LRRC74B: variants seen among roughly 807,000 people sequenced by gnomAD.
The protein encoded by LRRC74B is leucine rich repeat containing 74B.
In LRRC74B, 30 loss-of-function variants were observed where a neutral mutation model predicts 16.6. The observed-to-expected ratio is 1.80, with a 90% CI of 1.35 to 2.45. The LOEUF (loss-of-function observed/expected upper bound fraction) is 2.45, where lower values mean the gene tolerates loss of function less well. Ranked by LOEUF, LRRC74B falls within the 30% of genes most tolerant of loss-of-function variation. The pLI is 0.00. For missense variants in LRRC74B, 326 were observed against 202.4 expected (o/e 1.61, Z -3.71); for synonymous variants, 134 against 86.0 (o/e 1.56, Z -3.09).
intron 8 of LRRC74B, 40 bp from the exon 9 acceptor site, chr22:21,060,333 A>G (rs1448194585): frequency 1.6e-6 from 1 of 641,564 alleles, no homozygotes; most frequent in East Asian, 2.7e-5. Flanking sequence ...AAGTTCTCAG[A>G]TAGTAACAAA....
In LRRC74B at chr22:21,052,107, C is replaced by A. The variant is rs889093312; in HGVS notation, c.623-142C>A. 1.4e-5 allele frequency: 9 copies of A among 638,402 alleles called. No homozygotes were observed. In the African/African-American group the frequency reaches 1.6e-4, roughly 12 times the overall value. 39.5% of individuals were successfully genotyped at this position (638,402 alleles called of 1,614,324 possible). On this transcript the variant is annotated intron_variant, in intron 4 of 8. Transcript: ENST00000442047. Reference sequence around the variant, plus strand: ...TATCTCCCCCATGAAATGTGAGTTCCTTAAGGGCACCGCAGGCCCACATTA... The same window carrying A: ...TATCTCCCCCATGAAATGTGAGTTCATTAAGGGCACCGCAGGCCCACATTA...
At chr22:21,046,340 G>A (rs369004897) in intron 1 of LRRC74B, among the ~76,000 whole-genome samples, 4 of 152,260 alleles carry the variant, frequency 2.6e-5, no homozygotes, top group East Asian at 3.8e-4. Context: ...ACCCTGAAAT[G>A]AAATCAGAGC....
chr22:21,048,142 G>A (rs1250952311), intron 3 of LRRC74B, 126 bp downstream of exon 3: 21 of 674,642 alleles, frequency 3.1e-5, no homozygotes, highest in Non-Finnish European at 5.4e-5. Context: ...TAGAAGAGGG[G>A]CCTCATCACA....
chr22:21,063,418 G>A (rs1313456327), downstream of LRRC74B: 1 of 151,982 alleles, frequency 6.6e-6, no homozygotes, highest in Non-Finnish European at 1.5e-5. Flanking sequence ...GGGACTTCAG[G>A]CAGGGCATGA....
In LRRC74B at chr22:21,053,469, A is replaced by G. The variant is rs145112816; in HGVS notation, c.842A>G (p.Asn281Ser). 5.6e-6 allele frequency: 4 copies of G among 716,908 alleles called. No homozygotes were observed. The African/African-American group carries it at 7.0e-5, about 12-fold the overall frequency. 44.4% of individuals were successfully genotyped at this position (716,908 alleles called of 1,614,324 possible). Reference sequence around the variant, plus strand: ...GCCAACAACGTGTTGGAGGAACTCAACATGAGGTGAGGATCCCCGGGGGGA... The same window carrying G: ...GCCAACAACGTGTTGGAGGAACTCAGCATGAGGTGAGGATCCCCGGGGGGA... The change falls in exon 6 of 9, where the codon AAC becomes AGC. Residue 281 changes from asparagine (N) to serine (S), a missense_variant. Physicochemically the swap from Asn to Ser is conservative, Grantham distance 46. Coordinates refer to ENST00000442047, the Ensembl canonical transcript of LRRC74B.
intron 2 of LRRC74B, 43 bp from the exon 3 acceptor site, chr22:21,047,841 T>C (rs1214998239): frequency 1.1e-5 from 8 of 712,446 alleles, no homozygotes; most frequent in Non-Finnish European, 1.8e-5. Context: ...CCCTGGAGCA[T>C]GAGCCAGGAT....
chr22:21,049,047 C>T (rs1569195228), exon 4 of LRRC74B: 5 of 715,946 alleles, frequency 7.0e-6, no homozygotes, highest in Non-Finnish European at 1.3e-5. Context: ...ATGCAGCTGT[C>T]AGGGAATGGC....
chr22:21,056,949 T>TGAGGCAG, intron 7 of LRRC74B, 156 bp from the exon 8 acceptor site: 1 of 597,204 alleles, frequency 1.7e-6, no homozygotes, highest in South Asian at 2.1e-5. Context: ...CACCAGAGCA[T>TGAGGCAG]TCTGTCTGAC....
At chr22:21,053,263 TCTTTGCACCTCAGGGCTC>T (rs1174222123) in intron 5 of LRRC74B, 79 bp from the exon 6 acceptor site, 5 of 649,630 alleles carry the variant, frequency 7.7e-6, no homozygotes, top group Non-Finnish European at 1.4e-5. Flanking sequence ...TTATCTCTTA[TCTTTGCACCTCAGGGCTC>T]CTGGTCTCTG....
chr22:21,053,764 C>T, intron 6 of LRRC74B: 2 of 244,562 alleles, frequency 8.2e-6, no homozygotes, highest in South Asian at 1.1e-4. Flanking sequence ...GCTGGGACTA[C>T]AGGAGTATGT....
At chr22:21,048,639 G>A (rs1464045382) in intron 3 of LRRC74B, 11 of 395,826 alleles carry the variant, frequency 2.8e-5, no homozygotes, top group Non-Finnish European at 4.7e-5. Flanking sequence ...GAGGGCTTCT[G>A]AAGTGGGTGG....
At chr22:21,062,145 C>G (rs1205699124), downstream of LRRC74B, 1 of 152,162 alleles carries the variant, frequency 6.6e-6, no homozygotes, top group East Asian at 1.9e-4. Context: ...TGTGAAACAT[C>G]CGGAGTATGC....
chr22:21,053,552 A>G (rs1421468775), intron 6 of LRRC74B, 77 bp downstream of exon 6: 12 of 669,710 alleles, frequency 1.8e-5, no homozygotes, highest in African/African-American at 3.6e-5. Flanking sequence ...TCTACCCGTG[A>G]TGGGGATTCC....
intron 1 of LRRC74B, 140 bp downstream of exon 1, chr22:21,046,265 A>G (rs1601801784): frequency 1.6e-6 from 1 of 609,336 alleles, no homozygotes; most frequent in South Asian, 1.9e-5. Flanking sequence ...CCTTCCCTTC[A>G]TTGCTCCTGG....
chr22:21,053,111 G>A (rs1404699807), intron 5 of LRRC74B, among the ~76,000 whole-genome samples: 1 of 152,148 alleles, frequency 6.6e-6, no homozygotes, highest in Non-Finnish European at 1.5e-5. Flanking sequence ...CTCTCTGAGG[G>A]CCATTCACGT....
At chr22:21,061,786 G>A (rs549883459), downstream of LRRC74B, 3 of 152,160 alleles carry the variant, frequency 2.0e-5, no homozygotes, top group South Asian at 2.1e-4. Flanking sequence ...AATATCCATA[G>A]CAACATTATT....
At chr22:21,052,401 G>A (rs754542739) in intron 5 of LRRC74B, 43 bp downstream of exon 5, 7 of 715,402 alleles carry the variant, frequency 9.8e-6, no homozygotes, top group African/African-American at 8.7e-5. Context: ...CTGTCTGCTG[G>A]GGCCTGTCTC....
chr22:21,055,261 C>T (rs754436389), intron 7 of LRRC74B, 85 bp downstream of exon 7: 76 of 672,686 alleles, frequency 1.1e-4, no homozygotes, highest in Middle Eastern at 2.4e-4. Flanking sequence ...AGCCCCCACC[C>T]AGGGGCAGCA....
At chr22:21,055,641 G>A (rs562258569) in intron 7 of LRRC74B, among the ~76,000 whole-genome samples, 2 of 152,266 alleles carry the variant, frequency 1.3e-5, no homozygotes, top group South Asian at 2.1e-4. Flanking sequence ...GAGGCAAGCC[G>A]GGAGCAGGTC....
Sources: gnomAD v4.1 joint callset for allele counts (sites outside exome capture counted in the v4.1 genomes callset) on GRCh38, gnomAD v4.1.1 for gene constraint, MANE v1.5 for transcripts, NCBI Gene and HGNC (gene_info 2026-07-23, HGNC 2026-07-21) for gene names.